Variants in ZRANB3 observed in about 807,000 individuals in gnomAD.
ZRANB3 encodes the protein zinc finger RANBP2-type containing 3, also known as DNA annealing helicase and endonuclease ZRANB3.
Under a neutral mutation model 133.8 loss-of-function variants are expected in ZRANB3, and 125 were observed. That is an observed-to-expected ratio of 0.93 (90% CI 0.81 to 1.08). ZRANB3 has a LOEUF of 1.08. Ranked by LOEUF, ZRANB3 falls within the 50% of genes least tolerant of loss-of-function variation. The pLI is 0.00. For missense variants in ZRANB3, 1,229 were observed against 1,275.5 expected, an observed-to-expected ratio of 0.96 and a Z score of 0.56; for synonymous variants, 387 against 432.7, an observed-to-expected ratio of 0.89 and a Z score of 1.31.
intron 2 of ZRANB3, among the ~76,000 whole-genome samples, chr2:135,401,518 C>T (rs546342375): frequency 2.4e-4 from 36 of 152,208 alleles, no homozygotes; most frequent in Admixed American, 4.6e-4. Context: ...TAAACCTCTC[C>T]TTTTCCAATC....
intron 2 of ZRANB3, among the ~76,000 whole-genome samples, chr2:135,412,483 T>C: frequency 6.6e-6 from 1 of 152,182 alleles, no homozygotes; most frequent in East Asian, 1.9e-4. Flanking sequence ...GTTGCTTTTT[T>C]ATATAAAATA....
chr2:135,338,485 A>G (rs1684471683), intron 6 of ZRANB3, among the ~76,000 whole-genome samples: 1 of 152,262 alleles, frequency 6.6e-6, no homozygotes, highest in Non-Finnish European at 1.5e-5. Context: ...GCTTCTATAG[A>G]GAAGTCTCAG....
chr2:135,411,380 T>C (rs1016153079), intron 2 of ZRANB3, among the ~76,000 whole-genome samples: 21 of 152,034 alleles, frequency 1.4e-4, no homozygotes, highest in Non-Finnish European at 4.4e-5. Flanking sequence ...GAACTAAAAA[T>C]AGAATTACCA....
chr2:135,222,897 A>C (rs1330099433), intron 15 of ZRANB3, among the ~76,000 whole-genome samples: 8 of 151,190 alleles, frequency 5.3e-5, no homozygotes, highest in Non-Finnish European at 1.0e-4. Flanking sequence ...GACTGTTTGA[A>C]CCCAGGAGTT....
At position 135,240,277 on chromosome 2, in the gene ZRANB3, ACACCAGTCTGGG is replaced by A. The variant is rs1695495322; in HGVS notation, c.1540-9362_1540-9351del. 2.6e-5 allele frequency among the ~76,000 whole-genome samples: 4 copies of A among 152,336 alleles called. No individual in the cohort carries two copies. The South Asian group carries it at 8.3e-4, about 32-fold the overall frequency. On this transcript the variant is annotated intron_variant, in intron 12 of 20. Transcript: ENST00000264159. The stretch of plus-strand genomic sequence containing the variant: ...AGGATTGCTTGAGTCCAGGAGTCCC[ACACCAGTCTGGG>A]CAACATGGCAAGACCCTGTCTCTTA...
intron 2 of ZRANB3, among the ~76,000 whole-genome samples, chr2:135,492,319 A>G (rs1258478345): frequency 1.3e-5 from 2 of 152,202 alleles, no homozygotes; most frequent in Non-Finnish European, 2.9e-5. Flanking sequence ...TAAAGGTTTC[A>G]AAAACGTTGA....
At chr2:135,401,420 G>A (rs890117386) in intron 2 of ZRANB3, among the ~76,000 whole-genome samples, 9 of 152,128 alleles carry the variant, frequency 5.9e-5, no homozygotes, top group African/African-American at 2.2e-4. Context: ...CTTAGAAGTT[G>A]TGGTAGAGCT....
intron 2 of ZRANB3, among the ~76,000 whole-genome samples, chr2:135,444,997 T>C (rs1038933727): frequency 2.0e-5 from 3 of 152,050 alleles, no homozygotes; most frequent in Non-Finnish European, 2.9e-5. Context: ...ATGGTTAGCA[T>C]GAAAACCCAA....
intron 6 of ZRANB3, among the ~76,000 whole-genome samples, chr2:135,341,557 G>C (rs6732575): frequency 0.13 from 18,822 of 149,786 alleles, 2,191 homozygotes; most frequent in South Asian, 0.32. Flanking sequence ...CAGGGTAACA[G>C]CGATGTTCAG....
intron 1 of ZRANB3, among the ~76,000 whole-genome samples, chr2:135,521,095 A>C (rs1025692778): frequency 6.6e-5 from 10 of 152,334 alleles, no homozygotes; most frequent in African/African-American, 2.2e-4. Context: ...GGACAAGAAA[A>C]TTTAAAAGTT....
At chr2:135,418,923 C>CTTTTT (rs1558986938) in intron 2 of ZRANB3, among the ~76,000 whole-genome samples, 2 of 114,340 alleles carry the variant, frequency 1.7e-5, no homozygotes, top group East Asian at 6.8e-4. Context: ...TAAGGATTCT[C>CTTTTT]TCTTTTTTTT....
At chr2:135,241,575 A>AT (rs1338999340) in intron 12 of ZRANB3, among the ~76,000 whole-genome samples, 3 of 152,014 alleles carry the variant, frequency 2.0e-5, no homozygotes, top group African/African-American at 7.2e-5. Context: ...TGAATGGGGA[A>AT]TGGGAGGGTT....
chr2:135,452,921 C>T (rs986783185), intron 2 of ZRANB3, among the ~76,000 whole-genome samples: 1 of 152,208 alleles, frequency 6.6e-6, no homozygotes, highest in Non-Finnish European at 1.5e-5. Flanking sequence ...AGGCAGTGCC[C>T]CAGTAGGGAC....
At chr2:135,375,017 T>G (rs1686357045) in intron 3 of ZRANB3, among the ~76,000 whole-genome samples, 1 of 152,070 alleles carries the variant, frequency 6.6e-6, no homozygotes. Flanking sequence ...ACACATACAT[T>G]AGAATAGCTA....
Position 135,453,268 on chromosome 2 carries a change from T to C in ZRANB3, c.161+51061A>G, listed in dbSNP as rs944542721. Among the ~76,000 whole-genome samples, 6 of 152,190 alleles carry C rather than the reference T, an allele frequency of 3.9e-5. 1 individual carries two copies. Among genetic ancestry groups the C allele is most frequent in the Non-Finnish European group, 7.3e-5 (5 of 68,036 alleles). The stretch of plus-strand genomic sequence containing the variant: ...CAAAACCATTTTTTCCTCCTGGGCC[T>C]CCAGGCCTGTGATGGGAGGGGCTGC... On this transcript the variant is annotated intron_variant, in intron 2 of 20. Transcript: ENST00000264159.
At position 135,345,928 on chromosome 2, in the gene ZRANB3, C is replaced by CA. The variant is rs544514800; in HGVS notation, c.592-294dup. On this transcript the variant is annotated intron_variant, in intron 5 of 20. Transcript: ENST00000264159. ...TTTGTCCCATAAAACATGTCTCAGA[C>CA]ACTTAAATTACACGTGTCTATTTTT... Among the ~76,000 whole-genome samples the CA allele has an allele frequency of 9.9e-5, 15 of 152,236 alleles. No individual in the cohort carries two copies. The East Asian group carries it at 2.7e-3, about 27-fold the overall frequency.
At chr2:135,454,512 C>T (rs564456742) in intron 2 of ZRANB3, among the ~76,000 whole-genome samples, 1 of 152,012 alleles carries the variant, frequency 6.6e-6, no homozygotes, top group Admixed American at 6.5e-5. Context: ...AGTGGTAAAG[C>T]CTGGGCTTTT....
chr2:135,399,558 T>C (rs1687647585), intron 2 of ZRANB3, among the ~76,000 whole-genome samples: 1 of 152,222 alleles, frequency 6.6e-6, no homozygotes, highest in Non-Finnish European at 1.5e-5. Context: ...ACTTATATTC[T>C]TAAGAGAAGG....
intron 12 of ZRANB3, among the ~76,000 whole-genome samples, chr2:135,241,995 C>T (rs939960150): frequency 6.6e-6 from 1 of 151,986 alleles, no homozygotes; most frequent in Admixed American, 6.6e-5. Context: ...GCCTAGCCAA[C>T]GTGGTCAAAC....
Sources: gnomAD v4.1 joint callset for allele counts (sites outside exome capture counted in the v4.1 genomes callset) on GRCh38, gnomAD v4.1.1 for gene constraint, MANE v1.5 for transcripts, NCBI Gene and HGNC (gene_info 2026-07-23, HGNC 2026-07-21) for gene names.